The following SETBP1 variants were observed in gnomAD, a reference collection of about 807,000 sequenced individuals.
The protein encoded by SETBP1 is SET binding protein 1.
In SETBP1, 9 loss-of-function variants were observed where a neutral mutation model predicts 101.0. That is an observed-to-expected ratio of 0.09 (90% confidence interval 0.05 to 0.16). SETBP1 has a LOEUF of 0.16. Ranked by LOEUF, SETBP1 falls within the 10% of genes least tolerant of loss-of-function variation. SETBP1 has a pLI of 1.00. For missense variants in SETBP1, 1,858 were observed against 2,033.8 expected, an observed-to-expected ratio of 0.91 and a Z score of 1.66; for synonymous variants, 818 against 788.5, an observed-to-expected ratio of 1.04 and a Z score of -0.63.
intron 2 of SETBP1, among the ~76,000 whole-genome samples, chr18:44,741,721 C>A (rs1383378444): frequency 6.6e-6 from 1 of 152,142 alleles, no homozygotes; most frequent in Non-Finnish European, 1.5e-5. Flanking sequence ...TTGAAAATAG[C>A]CATGTTCAAA....
intron 2 of SETBP1, among the ~76,000 whole-genome samples, chr18:44,739,084 C>A (rs1282027782): frequency 6.6e-6 from 1 of 152,114 alleles, no homozygotes; most frequent in African/African-American, 2.4e-5. Flanking sequence ...TAACTCAAGT[C>A]GAATCATTTT....
chr18:44,806,575 T>A (rs2144804832), intron 2 of SETBP1, among the ~76,000 whole-genome samples: 1 of 150,354 alleles, frequency 6.7e-6, no homozygotes, highest in Non-Finnish European at 1.5e-5. Flanking sequence ...CTACGTTTTC[T>A]GACTGAACTT....
chr18:44,716,526 G>A (rs990850605), intron 2 of SETBP1, among the ~76,000 whole-genome samples: 6 of 152,016 alleles, frequency 3.9e-5, no homozygotes, highest in Non-Finnish European at 8.8e-5. Flanking sequence ...TGAAAAATGG[G>A]AACTGTGTAT....
chr18:44,950,452 G>C lies in SETBP1; in HGVS notation c.1112G>C (p.Gly371Ala), dbSNP rs774075566. Residue 371 changes from glycine to alanine, a missense_variant, in exon 4 of 6, where the codon GGT (glycine) becomes GCT (alanine). By Grantham distance (60) the Gly-to-Ala change is moderately conservative (BLOSUM62 0). Around this residue, in one of 12 missense-constraint regions of SETBP1, gnomAD observed 581 missense variants for 535.1 expected, o/e 1.09. Transcript: ENST00000649279. ...GACAATACAGAAGGGAAAAGGGAAGGTTATTCCGCAGATAGTGCCCAAGAG... is the reference window on the plus strand; with the variant it reads ...GACAATACAGAAGGGAAAAGGGAAGCTTATTCCGCAGATAGTGCCCAAGAG... ...AFDNTEGKRE[G>A]YSADSAQEAS... 3.7e-6 allele frequency: 6 copies of C among 1,614,034 alleles called. No homozygotes were observed. Among genetic ancestry groups the C allele is most frequent in the Non-Finnish European group, 4.2e-6 (5 of 1,180,050 alleles).
In SETBP1 at chr18:44,951,451, C is replaced by T. The variant is rs1599367870; in HGVS notation, c.2111C>T (p.Ala704Val). The change falls in exon 4 of 6, where the codon GCC becomes GTC. Residue 704 changes from alanine to valine, a missense_variant. Around this residue, in one of 12 missense-constraint regions of SETBP1, gnomAD observed 111 missense variants for 119.3 expected, o/e 0.93. Coordinates refer to ENST00000649279, the MANE Select transcript of SETBP1 (RefSeq NM_015559.3). This position sits in a 1 kb window ranked among gnomAD's most constrained non-coding sequence, Gnocchi z 7.8. Reference sequence around the variant, plus strand: ...CCAGAGACCAGCCCTGGGGCAGCAGCCATTGAAAGCAAACTGGGCAAGCAG... The same window carrying T: ...CCAGAGACCAGCCCTGGGGCAGCAGTCATTGAAAGCAAACTGGGCAAGCAG... ...APPETSPGAA[A>V]IESKLGKQIN... is the part of the protein sequence containing the mutation. The T allele has an allele frequency of 6.2e-7, 1 of 1,614,110 alleles. No individual in the cohort carries two copies. The highest frequency in any genetic ancestry group is 1.3e-5 in the African/African-American group (1 of 75,034).
chr18:44,745,670 C>G (rs2070225312), intron 2 of SETBP1, among the ~76,000 whole-genome samples: 1 of 152,174 alleles, frequency 6.6e-6, no homozygotes, highest in Admixed American at 6.5e-5. Flanking sequence ...TTGCCAGGCA[C>G]TGGGGAGGCA....
rs183764488 is a variant in SETBP1 at position 44,975,144 on chromosome 18, T to A, written c.4000+21804T>A. ...GAAGAGAGGCCCTCTTCCGTTTTAA[T>A]GTTCGCACTTCTCTGGCCTTAAGAG... On this transcript the variant is annotated intron_variant, in intron 4 of 5. Transcript: ENST00000649279. Among the ~76,000 whole-genome samples, 39 of 152,352 alleles carry A rather than the reference T, an allele frequency of 2.6e-4. No individual in the cohort carries two copies. The East Asian group carries it at 6.6e-3, about 26-fold the overall frequency.
rs1222812704 is a variant in SETBP1 at position 44,938,936 on chromosome 18, T to C, written c.541-10945T>C. ...GAAAGAAAAGGCCCCTGCTTTCTGCTGCTTGGCTTTGGAGTGTGTGCATGT... is the reference window on the plus strand; with the variant it reads ...GAAAGAAAAGGCCCCTGCTTTCTGCCGCTTGGCTTTGGAGTGTGTGCATGT... On this transcript the variant is annotated intron_variant, in intron 3 of 5. Transcript: ENST00000649279. Among the ~76,000 whole-genome samples the C allele has an allele frequency of 4.6e-5, 7 of 150,590 alleles. No homozygotes were observed. In the Admixed American group the frequency reaches 4.7e-4, roughly 10 times the overall value.
rs552310541 is a variant in SETBP1, at chr18:44,965,822, G to A, written c.4000+12482G>A. Among the ~76,000 whole-genome samples, 8 of 152,252 alleles carry A rather than the reference G, an allele frequency of 5.3e-5. No homozygotes were observed. The South Asian group carries it at 1.7e-3, about 32-fold the overall frequency. On this transcript the variant is annotated intron_variant, in intron 4 of 5. Coordinates refer to ENST00000649279, the MANE Select transcript of SETBP1 (RefSeq NM_015559.3). ...ATTCTGTTTCTGAATGTCTTCCCTG[G>A]TGATGAGATCTCTAACAGTGGCTCC...
chr18:45,000,840 G>A (rs558719819), intron 4 of SETBP1, among the ~76,000 whole-genome samples: 2 of 147,178 alleles, frequency 1.4e-5, no homozygotes, highest in South Asian at 4.3e-4. Flanking sequence ...AGGAAGCTCT[G>A]TACTAGACAG....
chr18:44,701,899 C>T, intron 2 of SETBP1, 67 bp downstream of exon 2: 1 of 1,537,502 alleles, frequency 6.5e-7, no homozygotes, highest in Non-Finnish European at 8.8e-7. Flanking sequence ...TCCTCAACTT[C>T]TTAGGGTCTA....
intron 2 of SETBP1, among the ~76,000 whole-genome samples, chr18:44,806,261 A>G (rs2071732865): frequency 6.6e-6 from 1 of 152,128 alleles, no homozygotes; most frequent in African/African-American, 2.4e-5. Flanking sequence ...TAACTTTCAA[A>G]CTCTGTTTTT....
chr18:44,860,386 C>T (rs149052783), intron 2 of SETBP1, among the ~76,000 whole-genome samples: 6 of 152,218 alleles, frequency 3.9e-5, no homozygotes, highest in Non-Finnish European at 8.8e-5. Context: ...TTCCTCTTTT[C>T]TTACATTAGT....
intron 2 of SETBP1, among the ~76,000 whole-genome samples, chr18:44,725,268 G>C (rs1173471206): frequency 6.6e-6 from 1 of 152,066 alleles, no homozygotes; most frequent in East Asian, 1.9e-4. Context: ...TCACAGTTTG[G>C]GGAATAATTT....
chr18:44,731,200 T>G (rs1274382310), intron 2 of SETBP1, among the ~76,000 whole-genome samples: 1 of 152,122 alleles, frequency 6.6e-6, no homozygotes, highest in Non-Finnish European at 1.5e-5. Context: ...TCAGAGAGAA[T>G]CAGGTGGGAG....
intron 3 of SETBP1, among the ~76,000 whole-genome samples, chr18:44,925,980 A>G (rs934795948): frequency 2.0e-5 from 3 of 152,204 alleles, no homozygotes; most frequent in African/African-American, 7.2e-5. Flanking sequence ...TAAGACCCTC[A>G]GCTGGGAAGG....
At chr18:44,866,382 G>T (rs557820945) in intron 2 of SETBP1, among the ~76,000 whole-genome samples, 1 of 152,246 alleles carries the variant, frequency 6.6e-6, no homozygotes, top group African/African-American at 2.4e-5. Flanking sequence ...TAGGTATTCT[G>T]GTCCTCACCT....
At position 45,063,670 on chromosome 18, in the gene SETBP1, G is replaced by T. The variant is rs948065620; in HGVS notation, c.4763G>T (p.Arg1588Leu). The T allele has an allele frequency of 6.2e-7, 1 of 1,608,580 alleles. No homozygotes were observed. The highest frequency in any genetic ancestry group is 8.5e-7 in the Non-Finnish European group (1 of 1,177,984). The change falls in exon 6 of 6, where the codon CGA becomes CTA. Residue 1588 changes from arginine to leucine, a missense_variant. Arg to Leu is a moderately radical substitution (Grantham distance 102). Transcript: ENST00000649279. ...AAAGCCAAAAGGCAGAGGAAGTCCC[G>T]AGGGAGTGAGAGCGAGGTCCTTCCC... ...EVKAKRQRKS[R>L]GSESEVLP
At chr18:44,688,444 GA>G (rs2068873090) in intron 1 of SETBP1, among the ~76,000 whole-genome samples, 1 of 151,718 alleles carries the variant, frequency 6.6e-6, no homozygotes, top group Admixed American at 6.6e-5. Flanking sequence ...CTCTTTCTGT[GA>G]CCTATTGTTA....
Sources: allele counts gnomAD v4.1 joint callset (sites outside exome capture counted in the v4.1 genomes callset), GRCh38; gene constraint gnomAD v4.1.1; regional missense constraint gnomAD v4.1.1; non-coding constraint Gnocchi (gnomAD v3.1); transcripts MANE v1.5; gene names NCBI Gene and HGNC (gene_info 2026-07-23, HGNC 2026-07-21).